EMC10: variants seen among roughly 807,000 people sequenced by gnomAD.
The protein encoded by EMC10 is UPF0510 protein INM02.
In EMC10, 40 loss-of-function variants were observed where a neutral mutation model predicts 32.2. That is an observed-to-expected ratio of 1.24 (90% confidence interval 0.96 to 1.61). The LOEUF is 1.61. Ranked by LOEUF, EMC10 falls within the 40% of genes most tolerant of loss-of-function variation. The pLI is 0.00. For synonymous variants in EMC10, 178 were observed against 158.4 expected (o/e 1.12, Z -0.93); for missense variants, 402 against 357.7 (o/e 1.12, Z -1.00).
rs1024979032 is a variant in EMC10, at chr19:50,482,283, G to A, written c.*24G>A. 1.6e-5 allele frequency: 16 copies of A among 974,828 alleles called. No homozygotes were observed. The highest frequency in any genetic ancestry group is 7.7e-5 in the South Asian group (5 of 65,240). The allele number at this position is 974,828 out of a possible 1,614,324, so 60.4% of individuals were successfully genotyped here. A position where few individuals can be genotyped will look rare whatever the true frequency, so the allele number is the denominator to read the frequency against. On this transcript the variant is annotated 3_prime_UTR_variant, in exon 7 of 7. Transcript: ENST00000334976. ...GAGGGCCCAGGCTGGTCAGCGTCCC[G>A]TCTTGCACACCCAGGGGCCTCCCTT...
rs2040347913 is a variant in EMC10, at chr19:50,483,021, C to T, written c.*762C>T. The T allele has an allele frequency of 1.1e-5, 6 of 566,398 alleles. No homozygotes were observed. Among genetic ancestry groups the T allele is most frequent in the African/African-American group, 3.7e-5 (2 of 53,894 alleles). 35.1% of individuals were successfully genotyped at this position (566,398 alleles called of 1,614,324 possible). On this transcript the variant is annotated 3_prime_UTR_variant, in exon 7 of 7. Transcript: ENST00000334976. ...ACACTGTAAATAGAACCCCCTCCAC[C>T]ACCCCCCGCCGCCCAGCATCCTACC...
chr19:50,476,512 C>T lies in EMC10; in HGVS notation c.-33C>T. The T allele has an allele frequency of 6.4e-7, 1 of 1,570,544 alleles. No homozygotes were observed. Among genetic ancestry groups the T allele is most frequent in the East Asian group, 2.3e-5 (1 of 42,554 alleles). The stretch of plus-strand genomic sequence containing the variant: ...GGCGTGCTCCGCGGCTCTTGGCTCA[C>T]AGCCGTCCCTTCGCTGGTGGGAAGA... On this transcript the variant is annotated 5_prime_UTR_variant, in exon 1 of 7. Coordinates refer to ENST00000334976, the MANE Select transcript of EMC10 (RefSeq NM_206538.4).
chr19:50,481,028 C>T (rs781045678), intron 6 of EMC10, 51 bp downstream of exon 6: 3 of 1,438,512 alleles, frequency 2.1e-6, no homozygotes, highest in Middle Eastern at 1.8e-4. Context: ...AGTCCCGGTG[C>T]CTGGCCAGGC....
rs1447323171 is a variant in EMC10 at position 50,484,492 on chromosome 19, C to T, written c.*2233C>T. 1 of 152,168 alleles carries T rather than the reference C, an allele frequency of 6.6e-6. No homozygotes were observed. Among genetic ancestry groups the T allele is most frequent in the South Asian group, 2.1e-4 (1 of 4,820 alleles). The allele number at this position is 152,168 out of a possible 1,614,324, so 9.4% of individuals were successfully genotyped here. A position where few individuals can be genotyped will look rare whatever the true frequency, so the allele number is the denominator to read the frequency against. On this transcript the variant is annotated 3_prime_UTR_variant, in exon 7 of 7. Transcript: ENST00000334976. ...GTCCTTTCCCTCTAAGTCTCGGTTG[C>T]TTTCAGGCTGGCAGGGTTACTCTGT...
At chr19:50,482,081 C>A in intron 6 of EMC10, 68 bp from the exon 7 acceptor site, 1 of 1,393,696 alleles carries the variant, frequency 7.2e-7, no homozygotes, top group Non-Finnish European at 1.0e-6. Flanking sequence ...GGGTGATGCC[C>A]ACACTCACCT....
Position 50,481,897 on chromosome 19 carries a change from GCCCT to G in EMC10, c.679-251_679-248del, listed in dbSNP as rs1449209728. On this transcript the variant is annotated intron_variant, in intron 6 of 6. Transcript: ENST00000334976. ...CCTGGGGGGGGCCGTGTTGCTCACA[GCCCT>G]GCGTCCTGCTGCGCCAGGGCCCGCG... The G allele has an allele frequency of 3.7e-6, 6 of 1,600,960 alleles. No individual in the cohort carries two copies. The Admixed American group carries it at 1.0e-4, about 27-fold the overall frequency.
chr19:50,481,659 G>A (rs2040320965), intron 6 of EMC10: 3 of 573,798 alleles, frequency 5.2e-6, no homozygotes, highest in Non-Finnish European at 9.2e-6. Context: ...GAGCCCTGCT[G>A]TGCTGAGTGC....
rs913446627 is a variant in EMC10, at chr19:50,486,151, G to C, written c.*3892G>C. ...TAAAATTCTTTACTAACCCCAAATT[G>C]TCTACTGGAAACTATAGGCTCCTTT... On this transcript the variant is annotated 3_prime_UTR_variant, in exon 7 of 7. Coordinates refer to ENST00000334976, the MANE Select transcript of EMC10 (RefSeq NM_206538.4). 6.6e-6 allele frequency: 1 copy of C among 152,046 alleles called. No individual in the cohort carries two copies. Among genetic ancestry groups the C allele is most frequent in the Non-Finnish European group, 1.5e-5 (1 of 68,006 alleles). The allele number at this position is 152,046 out of a possible 1,614,324, so 9.4% of individuals were successfully genotyped here.
Position 50,480,571 on chromosome 19 carries a change from C to T in EMC10, c.403-10C>T, listed in dbSNP as rs781555488. ...GCTCCCCACCTCCACTGACCCCACT[C>T]CCCCCACAGTGCTCCCTGGTGGAGT... is the stretch of plus-strand genomic sequence containing the variant. On this transcript the variant is annotated splice_polypyrimidine_tract_variant and intron_variant, in intron 4 of 6. Coordinates refer to ENST00000334976, the MANE Select transcript of EMC10 (RefSeq NM_206538.4). This position sits in a 1 kb window ranked among gnomAD's most constrained non-coding sequence, Gnocchi z 4.4. The T allele has an allele frequency of 2.6e-6, 4 of 1,551,042 alleles. No individual in the cohort carries two copies. Among genetic ancestry groups the T allele is most frequent in the East Asian group, 2.4e-5 (1 of 40,986 alleles).
At chr19:50,482,123 C>T (rs1376021731) in intron 6 of EMC10, 26 bp from the exon 7 acceptor site, 5 of 1,439,744 alleles carry the variant, frequency 3.5e-6, no homozygotes, top group Non-Finnish European at 4.9e-6. Flanking sequence ...CTGTGTCTGT[C>T]TGTCCATCCT....
rs12978280 is a variant in EMC10 at position 50,485,608 on chromosome 19, C to T, written c.*3349C>T. 5,318 of 153,564 alleles carry T rather than the reference C, an allele frequency of 0.035. 122 individuals carry two copies. The highest frequency in any genetic ancestry group is 0.1 in the East Asian group (522 of 5,216). The allele number at this position is 153,564 out of a possible 1,614,324, so 9.5% of individuals were successfully genotyped here. A position where few individuals can be genotyped will look rare whatever the true frequency, so the allele number is the denominator to read the frequency against. ...CCTGGCCTCATCCCGTCACCTCTGT[C>T]TCCATGGCCTTGGTCCCAGCTCAAG... On this transcript the variant is annotated 3_prime_UTR_variant, in exon 7 of 7. Transcript: ENST00000334976.
In EMC10 at chr19:50,485,880, C is replaced by T. The variant is rs1244239778; in HGVS notation, c.*3621C>T. On this transcript the variant is annotated 3_prime_UTR_variant, in exon 7 of 7. Coordinates refer to ENST00000334976, the MANE Select transcript of EMC10 (RefSeq NM_206538.4). The stretch of plus-strand genomic sequence containing the variant: ...ACCCTAACTCAATCCTCATTCTCTG[C>T]CTCCTGGACCCTCATCCTAGCCTCG... The T allele has an allele frequency of 2.0e-5, 3 of 152,368 alleles. No homozygotes were observed. Among genetic ancestry groups the T allele is most frequent in the African/African-American group, 7.2e-5 (3 of 41,434 alleles). The allele number at this position is 152,368 out of a possible 1,614,324, so 9.4% of individuals were successfully genotyped here.
At position 50,482,137 on chromosome 19, in the gene EMC10, G is replaced by A. The variant is rs571166557; in HGVS notation, c.679-12G>A. 84 of 1,545,890 alleles carry A rather than the reference G, an allele frequency of 5.4e-5. No individual in the cohort carries two copies. The highest frequency in any genetic ancestry group is 1.5e-4 in the African/African-American group (11 of 73,268). On this transcript the variant is annotated splice_polypyrimidine_tract_variant and intron_variant, in intron 6 of 6. Coordinates refer to ENST00000334976, the MANE Select transcript of EMC10 (RefSeq NM_206538.4). Reference sequence around the variant, plus strand: ...TCTGTGTCTGTCTGTCCATCCTTCCGTCCGGCTGCAGTGGATGTACATCAT... The same window carrying A: ...TCTGTGTCTGTCTGTCCATCCTTCCATCCGGCTGCAGTGGATGTACATCAT...
rs2040347303 is a variant in EMC10, at chr19:50,482,992, C to T, written c.*733C>T. ...AACCAACAGTTAGTGGAGTCAAAGC[C>T]CAGACACTGTAAATAGAACCCCCTC... On this transcript the variant is annotated 3_prime_UTR_variant, in exon 7 of 7. Transcript: ENST00000334976. 6.7e-6 allele frequency: 4 copies of T among 592,918 alleles called. 1 individual carries two copies. In the East Asian group the frequency reaches 1.0e-4, roughly 15 times the overall value. The allele number at this position is 592,918 out of a possible 1,614,324, so 36.7% of individuals were successfully genotyped here. A position where few individuals can be genotyped will look rare whatever the true frequency, so the allele number is the denominator to read the frequency against.
Position 50,482,161 on chromosome 19 carries a change from A to AT in EMC10, c.693dup (p.Pro232SerfsTer29). On this transcript the variant is annotated frameshift_variant, in exon 7 of 7. Transcript: ENST00000334976. LOFTEE classifies it high-confidence loss of function. ...CGTCCGGCTGCAGTGGATGTACATC[A>AT]TTCCCGTCGTCCTGTTCCTCATGAT... The AT allele has an allele frequency of 6.7e-7, 1 of 1,484,406 alleles. No individual in the cohort carries two copies. The highest frequency in any genetic ancestry group is 9.1e-7 in the Non-Finnish European group (1 of 1,093,300). 92.0% of individuals were successfully genotyped at this position (1,484,406 alleles called of 1,614,324 possible).
rs1298004464 is a variant in EMC10, at chr19:50,487,549, C to T, written c.*5290C>T. On this transcript the variant is annotated 3_prime_UTR_variant, in exon 7 of 7. Coordinates refer to ENST00000334976, the MANE Select transcript of EMC10 (RefSeq NM_206538.4). ...AATGGGTGTCACAAAGGTCTGTCCA[C>T]TCCTGGGCCTCAGGCTTGGGGGCCC... The T allele has an allele frequency of 6.6e-6, 1 of 152,432 alleles. No homozygotes were observed. Among genetic ancestry groups the T allele is most frequent in the East Asian group, 1.9e-4 (1 of 5,188 alleles). 9.4% of individuals were successfully genotyped at this position (152,432 alleles called of 1,614,324 possible). A position where few individuals can be genotyped will look rare whatever the true frequency, so the allele number is the denominator to read the frequency against.
rs2040366453 is a variant in EMC10, at chr19:50,484,300, T to C, written c.*2041T>C. 1 of 152,200 alleles carries C rather than the reference T, an allele frequency of 6.6e-6. No individual in the cohort carries two copies. Among genetic ancestry groups the C allele is most frequent in the Admixed American group, 6.6e-5 (1 of 15,262 alleles). The allele number at this position is 152,200 out of a possible 1,614,324, so 9.4% of individuals were successfully genotyped here. ...GCCTCAGCTTCCCAAAGTGCTGGGA[T>C]TACAGGCATGAGCCACTGCGCCAGG... On this transcript the variant is annotated 3_prime_UTR_variant, in exon 7 of 7. Transcript: ENST00000334976.
Position 50,488,338 on chromosome 19 carries a change from G to A in EMC10, c.*6079G>A, listed in dbSNP as rs1450073613. On this transcript the variant is annotated 3_prime_UTR_variant, in exon 7 of 7. Transcript: ENST00000334976. ...AAAAAAGAAAAGATGGCCAGAGCAG[G>A]AGGGGAGAGAGGAAGAGGGAGAAAG... The A allele has an allele frequency of 6.7e-6, 1 of 149,504 alleles. No homozygotes were observed. The highest frequency in any genetic ancestry group is 1.5e-5 in the Non-Finnish European group (1 of 67,534). 9.3% of individuals were successfully genotyped at this position (149,504 alleles called of 1,614,324 possible).
intron 6 of EMC10, chr19:50,481,338 A>T (rs2040316407): frequency 4.1e-6 from 1 of 242,418 alleles, no homozygotes. Flanking sequence ...AGGAGAGAGG[A>T]GTGGGTCCGG....
Sources: allele counts gnomAD v4.1 joint callset, GRCh38; gene constraint gnomAD v4.1.1; non-coding constraint Gnocchi (gnomAD v3.1); transcripts MANE v1.5; gene names NCBI Gene and HGNC (gene_info 2026-07-23, HGNC 2026-07-21).